The following CDH12 variants were observed in gnomAD, a reference collection of about 807,000 sequenced individuals.
CDH12 encodes cadherin 12, also known as cadherin-12.
In CDH12, 41 loss-of-function variants were observed where a neutral mutation model predicts 74.1. The ratio of observed to expected loss-of-function variants is 0.55; its 90% confidence interval spans 0.43 to 0.72. The LOEUF (loss-of-function observed/expected upper bound fraction) is 0.72. CDH12 is among the 30% of genes least tolerant of loss of function. CDH12 has a pLI of 0.00. For missense variants in CDH12, 945 were observed against 977.2 expected (o/e 0.97, Z 0.44); for synonymous variants, 399 against 355.0 (o/e 1.12, Z -1.39).
intron 1 of CDH12, among the ~76,000 whole-genome samples, chr5:22,643,515 A>G (rs1420596229): frequency 6.6e-6 from 1 of 152,144 alleles, no homozygotes; most frequent in Non-Finnish European, 1.5e-5. Context: ...AAGAATTCTC[A>G]GTTCTATTTG....
intron 4 of CDH12, among the ~76,000 whole-genome samples, chr5:22,163,177 G>A (rs866314617): frequency 2.0e-5 from 3 of 152,022 alleles, no homozygotes; most frequent in Non-Finnish European, 2.9e-5. Flanking sequence ...CACCGCTCCC[G>A]GCCCCCTCTG....
chr5:22,706,820 G>A (rs1743031326), intron 1 of CDH12, among the ~76,000 whole-genome samples: 1 of 152,072 alleles, frequency 6.6e-6, no homozygotes, highest in Non-Finnish European at 1.5e-5. Flanking sequence ...TAAAACCATG[G>A]TTTAAAATTG....
At chr5:21,869,204 G>C (rs1277362919) in intron 6 of CDH12, among the ~76,000 whole-genome samples, 2 of 152,176 alleles carry the variant, frequency 1.3e-5, no homozygotes, top group Non-Finnish European at 2.9e-5. Context: ...ATAGAGGTAA[G>C]GTAGAGCATG....
chr5:22,617,683 A>G (rs951399670), intron 1 of CDH12, among the ~76,000 whole-genome samples: 1 of 152,154 alleles, frequency 6.6e-6, no homozygotes, highest in Non-Finnish European at 1.5e-5. Context: ...TCCAGGTTCT[A>G]CATGGTACCT....
chr5:22,481,133 A>T (rs987545498), intron 2 of CDH12, among the ~76,000 whole-genome samples: 1 of 152,204 alleles, frequency 6.6e-6, no homozygotes, highest in Admixed American at 6.5e-5. Context: ...TGAGATACAA[A>T]TCAAAACAAC....
chr5:22,481,340 C>T (rs1746375046), intron 2 of CDH12, among the ~76,000 whole-genome samples: 1 of 152,186 alleles, frequency 6.6e-6, no homozygotes, highest in African/African-American at 2.4e-5. Context: ...AGTAATCTCA[C>T]TTCCGGTTAT....
Position 22,477,945 on chromosome 5 carries a change from TTG to T in CDH12, c.-428+27323_-428+27324del, listed in dbSNP as rs376977194. On this transcript the variant is annotated intron_variant, in intron 2 of 14. Transcript: ENST00000382254. ...AATGAGTTAACCTTTCCATTATCAG[TTG>T]TGTCTCGTGGCATTTTCTAAATAAG... Among the ~76,000 whole-genome samples the T allele has an allele frequency of 3.2e-3, 483 of 152,272 alleles. 4 individuals carry two copies. The highest frequency in any genetic ancestry group is 0.011 in the African/African-American group (462 of 41,540).
intron 2 of CDH12, among the ~76,000 whole-genome samples, chr5:22,462,490 A>T (rs1745561754): frequency 1.3e-5 from 2 of 152,178 alleles, no homozygotes; most frequent in African/African-American, 4.8e-5. Flanking sequence ...CATTTGACTC[A>T]GGTAGTCGGA....
At chr5:22,610,868 TATC>T (rs138951694) in intron 1 of CDH12, among the ~76,000 whole-genome samples, 9,954 of 152,152 alleles carry the variant, frequency 0.065, 426 homozygotes, top group East Asian at 0.24. Context: ...GTATAAACAA[TATC>T]ATATTAATAT....
intron 7 of CDH12, among the ~76,000 whole-genome samples, chr5:21,842,949 G>T (rs1042156561): frequency 1.3e-5 from 2 of 152,104 alleles, no homozygotes; most frequent in Non-Finnish European, 1.5e-5. Flanking sequence ...CCAATTAACC[G>T]AATGAGTGAC....
intron 4 of CDH12, among the ~76,000 whole-genome samples, chr5:22,173,470 T>C (rs977620267): frequency 1.1e-4 from 17 of 149,606 alleles, no homozygotes; most frequent in Admixed American, 1.1e-3. Flanking sequence ...AAATAACCTG[T>C]ATATAGAATT....
rs115348973 is a variant in CDH12, at chr5:22,394,535, T to G, written c.-333+10722A>C. ...AGAAACTAAAGCAGATGGAATCTCA[T>G]GCCCACAGGAGTGAGCCTCAGGCCA... On this transcript the variant is annotated intron_variant, in intron 3 of 14. Coordinates refer to ENST00000382254, the MANE Select transcript of CDH12 (RefSeq NM_004061.5). Among the ~76,000 whole-genome samples the G allele has an allele frequency of 8.7e-3, 1,322 of 152,244 alleles. 19 individuals carry two copies. Among genetic ancestry groups the G allele is most frequent in the African/African-American group, 0.03 (1,250 of 41,550 alleles).
At chr5:22,779,941 G>A (rs1231888729) in intron 1 of CDH12, among the ~76,000 whole-genome samples, 1 of 152,080 alleles carries the variant, frequency 6.6e-6, no homozygotes, top group Non-Finnish European at 1.5e-5. Flanking sequence ...CACAGAATTT[G>A]GTTGATAGTA....
Position 22,678,038 on chromosome 5 carries a change from T to A in CDH12, c.-522-172674A>T, listed in dbSNP as rs1002098876. On this transcript the variant is annotated intron_variant, in intron 1 of 14. Coordinates refer to ENST00000382254, the MANE Select transcript of CDH12 (RefSeq NM_004061.5). Reference sequence around the variant, plus strand: ...ACCAGAAGGCTCACCTCCTATACCATCCTCATGGGGGGGGGGGTTAGGATT... The same window carrying A: ...ACCAGAAGGCTCACCTCCTATACCAACCTCATGGGGGGGGGGGTTAGGATT... Among the ~76,000 whole-genome samples the A allele has an allele frequency of 1.8e-4, 15 of 83,350 alleles. No individual in the cohort carries two copies. The East Asian group carries it at 6.6e-3, about 36-fold the overall frequency. 54.7% of individuals were successfully genotyped at this position (83,350 alleles called of 152,430 possible).
At chr5:22,631,360 C>T (rs551477013) in intron 1 of CDH12, among the ~76,000 whole-genome samples, 1 of 152,220 alleles carries the variant, frequency 6.6e-6, no homozygotes, top group South Asian at 2.1e-4. Flanking sequence ...GCACTATTCA[C>T]AATATTAGAG....
chr5:22,636,410 C>A (rs1738842879), intron 1 of CDH12, among the ~76,000 whole-genome samples: 1 of 152,110 alleles, frequency 6.6e-6, no homozygotes, highest in South Asian at 2.1e-4. Flanking sequence ...AATGTGGAAA[C>A]TACCCAAATG....
chr5:21,978,889 G>C (rs1193008149), intron 5 of CDH12, among the ~76,000 whole-genome samples: 1 of 152,158 alleles, frequency 6.6e-6, no homozygotes, highest in Non-Finnish European at 1.5e-5. Context: ...TCCGGAAATT[G>C]ATCTCTATCG....
chr5:22,371,904 T>C (rs542619846), intron 3 of CDH12, among the ~76,000 whole-genome samples: 5 of 152,340 alleles, frequency 3.3e-5, no homozygotes, highest in Non-Finnish European at 5.9e-5. Flanking sequence ...ATAAGGCTTT[T>C]GTCCTTTATT....
chr5:21,937,282 A>G (rs895381854), intron 6 of CDH12, among the ~76,000 whole-genome samples: 10 of 152,186 alleles, frequency 6.6e-5, no homozygotes, highest in Admixed American at 3.9e-4. Flanking sequence ...GAATTGGGAA[A>G]GTGTTTTAAG....
Sources: allele counts gnomAD v4.1 joint callset (sites outside exome capture counted in the v4.1 genomes callset), GRCh38; gene constraint gnomAD v4.1.1; transcripts MANE v1.5; gene names NCBI Gene and HGNC (gene_info 2026-07-23, HGNC 2026-07-21).